Variants in SLC23A2 observed in about 807,000 individuals in gnomAD.
SLC23A2 encodes Na(+)/L-ascorbic acid transporter 2.
In SLC23A2, 36 loss-of-function variants were observed where a neutral mutation model predicts 73.3. The ratio of observed to expected loss-of-function variants is 0.49; its 90% CI spans 0.38 to 0.65. The LOEUF is 0.65. Ranked by LOEUF, SLC23A2 falls within the 30% of genes least tolerant of loss-of-function variation. The pLI is 0.00. For missense variants in SLC23A2, 507 were observed against 841.6 expected (o/e 0.60, Z 4.92); for synonymous variants, 343 against 327.3 (o/e 1.05, Z -0.52).
At chr20:4,866,462 T>C (rs1485964187) in intron 13 of SLC23A2, among the ~76,000 whole-genome samples, 1 of 152,210 alleles carries the variant, frequency 6.6e-6, no homozygotes, top group East Asian at 1.9e-4. Context: ...GATCCTTCCC[T>C]CATCTCCCTG....
chr20:4,916,942 A>G (rs1049347635), intron 3 of SLC23A2, among the ~76,000 whole-genome samples: 2 of 152,180 alleles, frequency 1.3e-5, no homozygotes, highest in African/African-American at 2.4e-5. Flanking sequence ...GGTGTATTAA[A>G]TGCATTTTAG....
At chr20:4,975,030 A>C (rs1600191782) in intron 1 of SLC23A2, among the ~76,000 whole-genome samples, 1 of 152,172 alleles carries the variant, frequency 6.6e-6, no homozygotes, top group South Asian at 2.1e-4. Flanking sequence ...CAAGTGATCC[A>C]CCCGCCTTGG....
chr20:4,971,618 CAAAAAAAA>C (rs944620433), intron 1 of SLC23A2, among the ~76,000 whole-genome samples: 1 of 60,116 alleles, frequency 1.7e-5, no homozygotes, highest in Non-Finnish European at 3.9e-5. Flanking sequence ...CTTGTCTCTA[CAAAAAAAA>C]AAAAAAAAAA....
chr20:4,956,347 G>A (rs2122162351), intron 2 of SLC23A2, among the ~76,000 whole-genome samples: 1 of 152,240 alleles, frequency 6.6e-6, no homozygotes, highest in African/African-American at 2.4e-5. Flanking sequence ...TCTGTAATAA[G>A]ACAAGGGGGC....
rs1930584924 is a variant in SLC23A2 at position 4,874,666 on chromosome 20, T to C, written c.855A>G (p.Gln285=). The part of the protein sequence containing the change: ...LTIFLVLLFS[Q]YARNVKFPLP... Reference sequence around the variant, plus strand: ...GAGGAAATTTAACATTTCTGGCGTATTGAGAAAACAGTAATACTAGGAATA... The same window carrying C: ...GAGGAAATTTAACATTTCTGGCGTACTGAGAAAACAGTAATACTAGGAATA... The change falls in exon 10 of 17, where the codon CAA becomes CAG. Residue 285 remains glutamine (Q), a synonymous_variant. Transcript: ENST00000338244. 1 of 1,612,144 alleles carries C rather than the reference T, an allele frequency of 6.2e-7. No individual in the cohort carries two copies. Among genetic ancestry groups the C allele is most frequent in the Non-Finnish European group, 8.5e-7 (1 of 1,178,694 alleles).
intron 6 of SLC23A2, among the ~76,000 whole-genome samples, chr20:4,898,143 G>C (rs1448822335): frequency 6.6e-6 from 1 of 152,218 alleles, no homozygotes; most frequent in Non-Finnish European, 1.5e-5. Context: ...TAGTCGGTCA[G>C]TGATATCCCT....
upstream of SLC23A2, among the ~76,000 whole-genome samples, chr20:5,005,174 C>T (rs1195311890): frequency 1.3e-5 from 2 of 151,402 alleles, no homozygotes; most frequent in Non-Finnish European, 2.9e-5. Context: ...TTGGTATCAG[C>T]AGATAGCTCT....
intron 2 of SLC23A2, among the ~76,000 whole-genome samples, chr20:4,942,917 A>AT (rs999974410): frequency 6.6e-6 from 1 of 152,042 alleles, no homozygotes; most frequent in Non-Finnish European, 1.5e-5. Flanking sequence ...AAAGAGTAGA[A>AT]TCCCCCTATG....
chr20:4,938,637 T>C (rs1240215524), intron 2 of SLC23A2, among the ~76,000 whole-genome samples: 1 of 152,230 alleles, frequency 6.6e-6, no homozygotes, highest in Admixed American at 6.5e-5. Flanking sequence ...TCATTCCATC[T>C]TGATGGCTCT....
intron 10 of SLC23A2, 86 bp from the exon 11 acceptor site, chr20:4,874,178 A>G: frequency 7.5e-7 from 1 of 1,325,130 alleles, no homozygotes. Flanking sequence ...TCGGAATATC[A>G]CACCCCAGAG....
chr20:4,986,649 T>C (rs6076763), intron 1 of SLC23A2, among the ~76,000 whole-genome samples: 35 of 129,826 alleles, frequency 2.7e-4, no homozygotes, highest in Non-Finnish European at 4.4e-4. Context: ...CATACACACA[T>C]ACACACACAC....
At chr20:4,975,962 T>C (rs2087639238) in intron 1 of SLC23A2, among the ~76,000 whole-genome samples, 1 of 151,400 alleles carries the variant, frequency 6.6e-6, no homozygotes, top group Non-Finnish European at 1.5e-5. Flanking sequence ...CACGCCTTTC[T>C]CCTGCCTCAG....
At chr20:4,860,286 G>A (rs1929904947) in intron 15 of SLC23A2, among the ~76,000 whole-genome samples, 1 of 152,224 alleles carries the variant, frequency 6.6e-6, no homozygotes, top group African/African-American at 2.4e-5. Flanking sequence ...AAAAATCTGA[G>A]CCACGCCACA....
At chr20:4,972,495 T>G (rs1014701674) in intron 1 of SLC23A2, among the ~76,000 whole-genome samples, 1 of 151,622 alleles carries the variant, frequency 6.6e-6, no homozygotes, top group Non-Finnish European at 1.5e-5. Context: ...AAAAAAAAAG[T>G]AGTAATTTAT....
At chr20:4,892,985 C>T (rs985209102) in intron 6 of SLC23A2, among the ~76,000 whole-genome samples, 1 of 151,796 alleles carries the variant, frequency 6.6e-6, no homozygotes, top group Non-Finnish European at 1.5e-5. Flanking sequence ...TTAGGTGTGA[C>T]AAATGGTCTC....
chr20:4,885,439 A>T (rs1017048942), intron 7 of SLC23A2, among the ~76,000 whole-genome samples: 4 of 152,260 alleles, frequency 2.6e-5, no homozygotes, highest in African/African-American at 9.6e-5. Context: ...GATCCTTAAA[A>T]AGCAAAGATG....
At chr20:4,946,515 C>T (rs2087121517) in intron 2 of SLC23A2, among the ~76,000 whole-genome samples, 2 of 152,134 alleles carry the variant, frequency 1.3e-5, no homozygotes, top group African/African-American at 4.8e-5. Flanking sequence ...TAGTTTATGG[C>T]ACATAAAGTA....
At chr20:4,874,490 C>T in intron 10 of SLC23A2, 86 bp downstream of exon 10, 2 of 1,276,600 alleles carry the variant, frequency 1.6e-6, no homozygotes, top group South Asian at 2.9e-5. Flanking sequence ...CCAAGGAGGG[C>T]CTGCTTAAAA....
At chr20:4,979,551 T>G (rs570728692) in intron 1 of SLC23A2, among the ~76,000 whole-genome samples, 1 of 151,900 alleles carries the variant, frequency 6.6e-6, no homozygotes, top group Middle Eastern at 3.4e-3. Flanking sequence ...CAAAAAAAAA[T>G]GTCTAAATAT....
Sources: gnomAD v4.1 joint callset for allele counts (sites outside exome capture counted in the v4.1 genomes callset) on GRCh38, gnomAD v4.1.1 for gene constraint, MANE v1.5 for transcripts, NCBI Gene and HGNC (gene_info 2026-07-23, HGNC 2026-07-21) for gene names.